The following ABTB3 variants were observed in gnomAD, a reference collection of about 807,000 sequenced individuals.
The protein encoded by ABTB3 is ankyrin repeat and BTB domain containing 3.
At chr12:107,509,191 T>C in the ABTB3 span, among the ~76,000 whole-genome samples, 8 of 152,144 alleles carry the variant, frequency 5.3e-5, no homozygotes, top group South Asian at 1.5e-3. Flanking sequence ...AAAGTTGCAA[T>C]GATAATGCAA....
At chr12:107,337,616 C>T in the ABTB3 span, among the ~76,000 whole-genome samples, 2 of 152,202 alleles carry the variant, frequency 1.3e-5, no homozygotes, top group Admixed American at 1.3e-4. Context: ...TACTCAAGGC[C>T]ATGCAGTGGG....
At chr12:107,466,033 A>G in the ABTB3 span, among the ~76,000 whole-genome samples, 1 of 152,202 alleles carries the variant, frequency 6.6e-6, no homozygotes, top group East Asian at 1.9e-4. Context: ...CGAGCAAGAT[A>G]GGCAGGTAAA....
the ABTB3 span, among the ~76,000 whole-genome samples, chr12:107,524,905 T>A: frequency 1.3e-5 from 2 of 152,184 alleles, no homozygotes. Context: ...CTGTGGATGC[T>A]CTCCTGTAAA....
the ABTB3 span, chr12:107,617,654 C>T: frequency 2.3e-5 from 13 of 572,526 alleles, no homozygotes; most frequent in Admixed American, 3.4e-5. Flanking sequence ...TTTACCTGCT[C>T]CTGGCCAGCT....
the ABTB3 span, chr12:107,657,684 T>C: frequency 6.2e-7 from 1 of 1,614,208 alleles, no homozygotes; most frequent in Non-Finnish European, 8.5e-7. Context: ...ATTCAGTCCA[T>C]CCACTTGTCG....
the ABTB3 span, among the ~76,000 whole-genome samples, chr12:107,624,112 G>A: frequency 6.6e-6 from 1 of 151,914 alleles, no homozygotes; most frequent in Non-Finnish European, 1.5e-5. Flanking sequence ...ACTGGGCCAG[G>A]GAAAGTTTGG....
chr12:107,453,646 AG>A, the ABTB3 span, among the ~76,000 whole-genome samples: 1 of 152,210 alleles, frequency 6.6e-6, no homozygotes, highest in African/African-American at 2.4e-5. Flanking sequence ...ATGGACTAAG[AG>A]GGCTTTAAAC....
At chr12:107,368,201 G>A in the ABTB3 span, among the ~76,000 whole-genome samples, 1 of 152,178 alleles carries the variant, frequency 6.6e-6, no homozygotes, top group African/African-American at 2.4e-5. Flanking sequence ...CTTTGGAGAC[G>A]TAGGCTGATG....
the ABTB3 span, among the ~76,000 whole-genome samples, chr12:107,379,794 G>A: frequency 6.6e-6 from 1 of 152,202 alleles, no homozygotes; most frequent in East Asian, 1.9e-4. Context: ...GAGCCCTCTA[G>A]AAGAACAAGG....
the ABTB3 span, among the ~76,000 whole-genome samples, chr12:107,564,165 T>TA: frequency 1.4e-5 from 2 of 145,534 alleles, no homozygotes; most frequent in South Asian, 4.4e-4. Flanking sequence ...TTGAGAGTGT[T>TA]AGACTCTTAG....
the ABTB3 span, among the ~76,000 whole-genome samples, chr12:107,432,620 G>A: frequency 1.3e-5 from 2 of 152,216 alleles, no homozygotes; most frequent in Admixed American, 1.3e-4. Context: ...GAGATGTTGA[G>A]AGGATGAATG....
the ABTB3 span, chr12:107,319,738 A>G: frequency 7.9e-6 from 12 of 1,525,820 alleles, no homozygotes; most frequent in Non-Finnish European, 1.1e-5. Flanking sequence ...GCCCTGGGTC[A>G]GGCTCGGGCT....
At chr12:107,440,059 T>C in the ABTB3 span, among the ~76,000 whole-genome samples, 2 of 152,176 alleles carry the variant, frequency 1.3e-5, no homozygotes, top group African/African-American at 2.4e-5. Context: ...AGAAGTCTTG[T>C]CTGGTTCATT....
the ABTB3 span, among the ~76,000 whole-genome samples, chr12:107,647,336 A>AAAATAAAT: frequency 6.6e-6 from 1 of 151,920 alleles, no homozygotes; most frequent in African/African-American, 2.4e-5. Context: ...TCTCAAACTA[A>AAAATAAAT]AAATAAATAA....
chr12:107,450,503 G>A, the ABTB3 span, among the ~76,000 whole-genome samples: 2 of 152,154 alleles, frequency 1.3e-5, no homozygotes, highest in African/African-American at 4.8e-5. Context: ...TATGGGAGGA[G>A]GGAGAAGAGA....
chr12:107,365,634 T>C, the ABTB3 span, among the ~76,000 whole-genome samples: 1 of 152,138 alleles, frequency 6.6e-6, no homozygotes, highest in Non-Finnish European at 1.5e-5. Flanking sequence ...ACCCCCAACT[T>C]GTCCCACCAT....
the ABTB3 span, among the ~76,000 whole-genome samples, chr12:107,484,487 T>G: frequency 6.6e-6 from 1 of 152,004 alleles, no homozygotes; most frequent in Non-Finnish European, 1.5e-5. Context: ...AAAGAGAAAG[T>G]GAGTCCCAGG....
At chr12:107,576,646 C>T in the ABTB3 span, among the ~76,000 whole-genome samples, 1 of 152,302 alleles carries the variant, frequency 6.6e-6, no homozygotes, top group African/African-American at 2.4e-5. Flanking sequence ...TGGGGGAACA[C>T]GGTTCAGCCC....
the ABTB3 span, among the ~76,000 whole-genome samples, chr12:107,573,813 C>A: frequency 2.3e-4 from 35 of 152,304 alleles, no homozygotes; most frequent in East Asian, 5.0e-3. Context: ...TCCAACTGTT[C>A]GGATGAGGCC....
Sources: allele counts gnomAD v4.1 joint callset (sites outside exome capture counted in the v4.1 genomes callset), GRCh38; gene constraint gnomAD v4.1.1; transcripts MANE v1.5; gene names NCBI Gene and HGNC (gene_info 2026-07-23, HGNC 2026-07-21).